The following CIT variants were observed in gnomAD, a reference collection of about 807,000 sequenced individuals.
The protein encoded by CIT is citron rho-interacting serine/threonine kinase.
A neutral mutation model predicts 272.7 loss-of-function variants in CIT; 79 were observed. The observed-to-expected ratio is 0.29, with a 90% CI of 0.24 to 0.35. The LOEUF (loss-of-function observed/expected upper bound fraction) is 0.35, where lower values mean the gene tolerates loss of function less well. CIT is among the 10% of genes least tolerant of loss of function. The probability of loss-of-function intolerance (pLI) is 1.00; values close to 1 mark genes in which losing one functional copy is unlikely to be tolerated. For synonymous variants in CIT, 948 were observed against 995.6 expected, an observed-to-expected ratio of 0.95 and a Z score of 0.90; for missense variants, 1,909 against 2,618.3, an observed-to-expected ratio of 0.73 and a Z score of 5.91.
intron 2 of CIT, 34 bp downstream of exon 2, chr12:119,876,039 A>G: frequency 7.4e-7 from 1 of 1,355,060 alleles, no homozygotes; most frequent in Non-Finnish European, 1.1e-6. Flanking sequence ...AAGGACACAC[A>G]CAGGTGAGCA....
chr12:119,690,330 C>T lies in CIT; in HGVS notation c.6007G>A (p.Glu2003Lys). ...REPSTPHRYR[E>K]GRTELRRDKS... ...TCCCTGCGCAGCTCGGTCCGCCCCT[C>T]GCGGTAGCGGTGGGGTGTGCTTGGC... The change falls in exon 47 of 48, where the codon GAG (glutamate) becomes AAG (lysine). Residue 2003 changes from glutamate (E) to lysine (K), a missense_variant. Coordinates refer to ENST00000392521, the MANE Select transcript of CIT (RefSeq NM_001206999.2). The surrounding 1 kb of genome is among the most constrained non-coding windows in gnomAD (Gnocchi z 6.0). The T allele has an allele frequency of 6.3e-7, 1 of 1,596,728 alleles. No homozygotes were observed. The highest frequency in any genetic ancestry group is 8.5e-7 in the Non-Finnish European group (1 of 1,178,118).
intron 10 of CIT, among the ~76,000 whole-genome samples, chr12:119,791,085 A>G (rs1052798053): frequency 5.9e-5 from 9 of 152,274 alleles, no homozygotes; most frequent in East Asian, 3.9e-4. Context: ...TTCTCCTACC[A>G]CGTTACCATG....
At chr12:119,811,811 G>C (rs539612076) in intron 9 of CIT, among the ~76,000 whole-genome samples, 1 of 152,242 alleles carries the variant, frequency 6.6e-6, no homozygotes, top group East Asian at 1.9e-4. Context: ...TCAGCAATCT[G>C]TGAAACACCT....
intron 9 of CIT, among the ~76,000 whole-genome samples, chr12:119,820,963 C>T (rs1422741576): frequency 6.6e-6 from 1 of 151,938 alleles, no homozygotes; most frequent in South Asian, 2.1e-4. Flanking sequence ...GAGTGAGACT[C>T]TGTCTCAAAA....
At chr12:119,756,853 G>T (rs1395732620) in intron 22 of CIT, among the ~76,000 whole-genome samples, 1 of 152,186 alleles carries the variant, frequency 6.6e-6, no homozygotes, top group Non-Finnish European at 1.5e-5. Context: ...AATTGGCCAG[G>T]CATGGTGGCT....
At chr12:119,720,452 C>T (rs1340455031) in intron 30 of CIT, 26 bp downstream of exon 30, 3 of 1,517,208 alleles carry the variant, frequency 2.0e-6, no homozygotes, top group African/African-American at 2.8e-5. Context: ...ACTGACAATT[C>T]CCACTTTTCA....
At chr12:119,803,585 C>T in intron 9 of CIT, 196 bp from the exon 10 acceptor site, 1 of 437,782 alleles carries the variant, frequency 2.3e-6, no homozygotes, top group East Asian at 3.8e-5. Context: ...GGCCACCAAC[C>T]CGCAGACAGG....
At chr12:119,709,068 T>C (rs914082002) in intron 39 of CIT, among the ~76,000 whole-genome samples, 3 of 152,146 alleles carry the variant, frequency 2.0e-5, no homozygotes, top group Non-Finnish European at 4.4e-5. Flanking sequence ...GCAATGCAAA[T>C]TCTGGGACAT....
At chr12:119,708,686 C>T (rs759161498) in intron 39 of CIT, among the ~76,000 whole-genome samples, 3 of 151,902 alleles carry the variant, frequency 2.0e-5, no homozygotes, top group Non-Finnish European at 4.4e-5. Flanking sequence ...GATGGGGTTT[C>T]GCCATGTTGG....
intron 3 of CIT, among the ~76,000 whole-genome samples, chr12:119,861,890 T>C (rs1950348888): frequency 6.6e-6 from 1 of 152,168 alleles, no homozygotes; most frequent in East Asian, 1.9e-4. Flanking sequence ...AGTCCGCCCA[T>C]ATAAAAGAAC....
chr12:119,718,963 G>A lies in CIT; in HGVS notation c.3841-102C>T. ...GAGGAGCAAACCACAAAAGCCAGGA[G>A]CATACTCACTGTAAGTGTATTTAGT... On this transcript the variant is annotated intron_variant, in intron 30 of 47. Transcript: ENST00000392521. This position sits in a 1 kb window ranked among gnomAD's most constrained non-coding sequence, Gnocchi z 4.8. The A allele has an allele frequency of 1.8e-6, 2 of 1,140,378 alleles. No homozygotes were observed. Among genetic ancestry groups the A allele is most frequent in the East Asian group, 2.4e-5 (1 of 42,166 alleles). The allele number at this position is 1,140,378 out of a possible 1,614,324, so 70.6% of individuals were successfully genotyped here. A position where few individuals can be genotyped will look rare whatever the true frequency, so the allele number is the denominator to read the frequency against.
intron 23 of CIT, 79 bp from the exon 24 acceptor site, chr12:119,742,543 T>C: frequency 1.8e-6 from 2 of 1,105,894 alleles, no homozygotes; most frequent in Non-Finnish European, 2.6e-6. Flanking sequence ...ATATAGAGAA[T>C]AGCAATTTGC....
At chr12:119,766,133 C>T (rs2137543703) in intron 19 of CIT, among the ~76,000 whole-genome samples, 1 of 152,160 alleles carries the variant, frequency 6.6e-6, no homozygotes. Flanking sequence ...GGGCTTAAGA[C>T]CTAGGTGATT....
intron 4 of CIT, 80 bp from the exon 5 acceptor site, chr12:119,850,355 T>C: frequency 1.6e-6 from 1 of 641,542 alleles, no homozygotes; most frequent in Non-Finnish European, 2.5e-6. Flanking sequence ...TCTTTATGCC[T>C]AAACTGATGT....
At chr12:119,780,593 G>T (rs1409474534) in intron 13 of CIT, among the ~76,000 whole-genome samples, 6 of 152,090 alleles carry the variant, frequency 3.9e-5, no homozygotes, top group Admixed American at 3.9e-4. Flanking sequence ...CTCCAGCCTG[G>T]GTGACAGAGC....
rs569051 is a variant in CIT at position 119,820,578 on chromosome 12, T to C, written c.1111+2242A>G. On this transcript the variant is annotated intron_variant, in intron 9 of 47. Transcript: ENST00000392521. ...ATAAATAAATAAATATAAAAAAGAG[T>C]TAACGTTGGGGAAAACTGGGTGAAG... Among the ~76,000 whole-genome samples, 1,356 of 151,434 alleles carry C rather than the reference T, an allele frequency of 9.0e-3. 21 individuals carry two copies. The highest frequency in any genetic ancestry group is 0.031 in the African/African-American group (1,291 of 41,244).
intron 3 of CIT, among the ~76,000 whole-genome samples, chr12:119,859,255 A>G (rs1950262097): frequency 6.6e-6 from 1 of 152,210 alleles, no homozygotes; most frequent in African/African-American, 2.4e-5. Flanking sequence ...CGGCAGAAAG[A>G]TGCCACACTG....
intron 10 of CIT, among the ~76,000 whole-genome samples, chr12:119,792,432 C>T (rs552330677): frequency 1.3e-5 from 2 of 152,182 alleles, no homozygotes; most frequent in South Asian, 2.1e-4. Flanking sequence ...CAAAAATATA[C>T]TGGCTTTTAA....
intron 1 of CIT, among the ~76,000 whole-genome samples, 181 bp from the exon 2 acceptor site, chr12:119,876,362 G>A (rs1045860772): frequency 2.0e-5 from 3 of 152,138 alleles, no homozygotes; most frequent in African/African-American, 4.8e-5. Flanking sequence ...TGTGACAGGA[G>A]ATGATACACT....
Sources: gnomAD v4.1 joint callset for allele counts (sites outside exome capture counted in the v4.1 genomes callset) on GRCh38, gnomAD v4.1.1 for gene constraint, Gnocchi (gnomAD v3.1) non-coding constraint, MANE v1.5 for transcripts, NCBI Gene and HGNC (gene_info 2026-07-23, HGNC 2026-07-21) for gene names.